Variants in CPEB2 observed in about 807,000 individuals in gnomAD.
The protein encoded by CPEB2 is cytoplasmic polyadenylation element-binding protein 2.
CPEB2 carries 56 observed loss-of-function variants against 93.6 expected under a neutral mutation model. The observed-to-expected ratio is 0.60, with a 90% CI of 0.48 to 0.75. The LOEUF is 0.75. Ranked by LOEUF, CPEB2 falls within the 30% of genes least tolerant of loss-of-function variation. CPEB2 has a pLI of 0.00. For missense variants in CPEB2, 1,579 were observed against 1,395.1 expected, an observed-to-expected ratio of 1.13 and a Z score of -2.10; for synonymous variants, 764 against 586.3, an observed-to-expected ratio of 1.30 and a Z score of -4.38.
Position 15,004,132 on chromosome 4 carries a change from G to T in CPEB2, c.1459G>T (p.Gly487Cys), listed in dbSNP as rs201682122. 6.6e-7 allele frequency: 1 copy of T among 1,514,852 alleles called. No homozygotes were observed. The highest frequency in any genetic ancestry group is 2.8e-5 in the East Asian group (1 of 35,880). 93.8% of individuals were successfully genotyped at this position (1,514,852 alleles called of 1,614,324 possible). ...SVPTSGGGGG[G>C]FGGPFSATAV... ...TCCGACGAGCGGCGGCGGCGGCGGCGGCTTCGGCGGCCCCTTCTCGGCTAC... is the reference window on the plus strand; with the variant it reads ...TCCGACGAGCGGCGGCGGCGGCGGCTGCTTCGGCGGCCCCTTCTCGGCTAC... Residue 487 changes from glycine (G) to cysteine (C), a missense_variant, in exon 1 of 12, where the codon GGC becomes TGC. Coordinates refer to ENST00000538197, the MANE Select transcript of CPEB2 (RefSeq NM_001177382.2).
Position 15,003,164 on chromosome 4 carries a change from A to C in CPEB2, c.491A>C (p.Gln164Pro). The C allele has an allele frequency of 6.5e-7, 1 of 1,533,180 alleles. No homozygotes were observed. The highest frequency in any genetic ancestry group is 8.7e-7 in the Non-Finnish European group (1 of 1,145,862). 95.0% of individuals were successfully genotyped at this position (1,533,180 alleles called of 1,614,324 possible). A position where few individuals can be genotyped will look rare whatever the true frequency, so the allele number is the denominator to read the frequency against. Reference protein sequence around the residue: ...SCCCCRTSSPQDFSKRQQQQL... With the variant: ...SCCCCRTSSPPDFSKRQQQQL... ...TGCTGCTGCCGCACCTCCTCCCCGC[A>C]GGACTTCAGTAAGCGGCAGCAGCAG... Residue 164 changes from glutamine to proline, a missense_variant, in exon 1 of 12, where the codon CAG becomes CCG. Around this residue, in one of 2 missense-constraint regions of CPEB2, gnomAD observed 1,411 missense variants for 1,056.0 expected, o/e 1.34. Transcript: ENST00000538197.
chr4:15,028,105 C>T (rs1725674941), intron 4 of CPEB2, among the ~76,000 whole-genome samples: 1 of 152,096 alleles, frequency 6.6e-6, no homozygotes, highest in African/African-American at 2.4e-5. Context: ...TGGCATTGTT[C>T]TTTAGCTATG....
intron 4 of CPEB2, among the ~76,000 whole-genome samples, chr4:15,024,372 C>G (rs966230312): frequency 6.6e-6 from 1 of 152,122 alleles, no homozygotes; most frequent in African/African-American, 2.4e-5. Context: ...AATGTTTCTA[C>G]CTATATAATA....
chr4:15,062,083 A>G lies in CPEB2; in HGVS notation c.2700A>G (p.Glu900=). The G allele has an allele frequency of 1.3e-6, 2 of 1,595,668 alleles. No homozygotes were observed. The change falls in exon 11 of 12, where the codon GAA becomes GAG. Residue 900 remains glutamate, a synonymous_variant. Transcript: ENST00000538197. ...GGVPRPLRAV[E]LAMIMDRLYG... The stretch of plus-strand genomic sequence containing the variant: ...AAACTTCTTTTCCTTTTCAAGTGGA[A>G]CTTGCTATGATCATGGACCGGCTGT...
chr4:15,004,195 C>G lies in CPEB2; in HGVS notation c.1522C>G (p.Pro508Ala), dbSNP rs548768152. ...PPPPPPAMNIPQQQPPPPAAP... is the reference protein window; with the variant it reads ...PPPPPPAMNIAQQQPPPPAAP... ...TCCGCCGCCGCCCGCCATGAATATA[C>G]CTCAACAGCAGCCCCCGCCGCCCGC... The change falls in exon 1 of 12, where the codon CCT becomes GCT. Residue 508 changes from proline to alanine, a missense_variant. Around this residue, in one of 2 missense-constraint regions of CPEB2, gnomAD observed 1,411 missense variants for 1,056.0 expected, o/e 1.34. Transcript: ENST00000538197. 3 of 1,318,046 alleles carry G rather than the reference C, an allele frequency of 2.3e-6. No individual in the cohort carries two copies. The highest frequency in any genetic ancestry group is 2.6e-5 in the Admixed American group (1 of 38,610). 81.6% of individuals were successfully genotyped at this position (1,318,046 alleles called of 1,614,324 possible). A position where few individuals can be genotyped will look rare whatever the true frequency, so the allele number is the denominator to read the frequency against.
At chr4:15,049,213 T>G (rs1454576660) in intron 6 of CPEB2, among the ~76,000 whole-genome samples, 2 of 152,084 alleles carry the variant, frequency 1.3e-5, no homozygotes, top group Admixed American at 1.3e-4. Context: ...TGGGTCACTT[T>G]TCTCTTTGGC....
chr4:15,054,061 A>G, intron 7 of CPEB2, 67 bp from the exon 8 acceptor site: 1 of 1,005,304 alleles, frequency 9.9e-7, no homozygotes, highest in South Asian at 1.5e-5. Context: ...TCATAGTAAC[A>G]GTACAGAATT....
chr4:15,022,604 C>T (rs1346111303), intron 4 of CPEB2, among the ~76,000 whole-genome samples: 1 of 151,762 alleles, frequency 6.6e-6, no homozygotes, highest in African/African-American at 2.4e-5. Context: ...TTTTTCGTTT[C>T]TTCATTCTAT....
intron 4 of CPEB2, among the ~76,000 whole-genome samples, chr4:15,026,689 T>G (rs1308288848): frequency 1.3e-5 from 2 of 152,234 alleles, no homozygotes; most frequent in African/African-American, 4.8e-5. Context: ...AAGCATTTTC[T>G]CATAATTCAT....
In CPEB2 at chr4:15,004,125, C is replaced by CGGGGGGGGGGGGGGGGGGGGGGGGGGG; in HGVS notation, c.1454_1455insGGGGGGGGGGGGGGGGGGGGGGGGGGG (p.Gly487_Phe488insGlyGlyGlyGlyGlyGlyGlyGlyGly). 1.3e-6 allele frequency: 2 copies of CGGGGGGGGGGGGGGGGGGGGGGGGGGG among 1,514,236 alleles called. No individual in the cohort carries two copies. The highest frequency in any genetic ancestry group is 2.7e-5 in the East Asian group (1 of 36,474). 93.8% of individuals were successfully genotyped at this position (1,514,236 alleles called of 1,614,324 possible). On this transcript the variant is annotated inframe_insertion, in exon 1 of 12. Coordinates refer to ENST00000538197, the MANE Select transcript of CPEB2 (RefSeq NM_001177382.2). The stretch of plus-strand genomic sequence containing the variant: ...TCAGCGTTCCGACGAGCGGCGGCGG[C>CGGGGGGGGGGGGGGGGGGGGGGGGGGG]GGCGGCGGCTTCGGCGGCCCCTTCT...
chr4:15,015,585 A>T (rs777133519), intron 3 of CPEB2, among the ~76,000 whole-genome samples: 9 of 152,086 alleles, frequency 5.9e-5, no homozygotes, highest in Non-Finnish European at 1.0e-4. Flanking sequence ...ACATATTCTT[A>T]GAAAAGCTTT....
At chr4:15,018,936 TTATATATATATATATATA>T (rs56945294) in intron 4 of CPEB2, among the ~76,000 whole-genome samples, 3 of 133,146 alleles carry the variant, frequency 2.3e-5, no homozygotes, top group East Asian at 2.0e-4. Flanking sequence ...AAGGGGAATT[TTATATATATATATATATA>T]TATATATATA....
chr4:15,033,161 G>A lies in CPEB2; in HGVS notation c.2126G>A (p.Gly709Asp). The change falls in exon 5 of 12, where the codon GGT becomes GAT. Residue 709 changes from glycine (G) to aspartate (D), a missense_variant and splice_region_variant. Around this residue, in one of 2 missense-constraint regions of CPEB2, gnomAD observed 1,411 missense variants for 1,056.0 expected, o/e 1.34. Coordinates refer to ENST00000538197, the MANE Select transcript of CPEB2 (RefSeq NM_001177382.2). ...IMRAEHDPLK[G>D]RLSYPHPGTD... ...ACTCACCTTTCCTGTCTTTTTAAAG[G>A]TCGATTGAGCTATCCACATCCAGGA... 6.2e-7 allele frequency: 1 copy of A among 1,601,294 alleles called. No individual in the cohort carries two copies. The highest frequency in any genetic ancestry group is 1.7e-4 in the Middle Eastern group (1 of 6,040).
chr4:15,042,226 C>T (rs1727252710), intron 6 of CPEB2, among the ~76,000 whole-genome samples: 1 of 152,074 alleles, frequency 6.6e-6, no homozygotes, highest in Admixed American at 6.6e-5. Flanking sequence ...ATTTCGTATG[C>T]TCTCATGTAA....
At chr4:15,012,177 C>T (rs972919136) in intron 3 of CPEB2, among the ~76,000 whole-genome samples, 3 of 152,126 alleles carry the variant, frequency 2.0e-5, no homozygotes, top group Admixed American at 2.0e-4. Flanking sequence ...CTGTTACATG[C>T]CCACTGAAAA....
intron 5 of CPEB2, among the ~76,000 whole-genome samples, chr4:15,039,676 A>T (rs948103690): frequency 6.6e-5 from 10 of 151,258 alleles, no homozygotes; most frequent in African/African-American, 2.4e-4. Context: ...TTTTTTTTCC[A>T]TAGGAATTAT....
At chr4:15,035,264 G>T (rs1019819187) in intron 5 of CPEB2, among the ~76,000 whole-genome samples, 6 of 151,866 alleles carry the variant, frequency 4.0e-5, no homozygotes, top group African/African-American at 1.5e-4. Flanking sequence ...TGCTAACATA[G>T]ATTCTGGAGC....
Position 15,003,105 on chromosome 4 carries a change from G to A in CPEB2, c.432G>A (p.Leu144=), listed in dbSNP as rs563457090. Residue 144 remains leucine, a synonymous_variant, in exon 1 of 12, where the codon CTG becomes CTA. Coordinates refer to ENST00000538197, the MANE Select transcript of CPEB2 (RefSeq NM_001177382.2). ...CCTCCCAGGACTTCAAACCGAGTCTGCACCACCCCTCCTCCTCCTCCGCCT... is the reference window on the plus strand; with the variant it reads ...CCTCCCAGGACTTCAAACCGAGTCTACACCACCCCTCCTCCTCCTCCGCCT... ...LLPSQDFKPS[L]HHPSSSSASS... is the part of the protein sequence containing the mutation. 4.4e-4 allele frequency: 674 copies of A among 1,533,392 alleles called. 4 individuals carry two copies. The highest frequency in any genetic ancestry group is 2.4e-3 in the East Asian group (99 of 40,606). The allele number at this position is 1,533,392 out of a possible 1,614,324, so 95.0% of individuals were successfully genotyped here.
Position 15,059,192 on chromosome 4 carries a change from A to G in CPEB2, c.2586A>G (p.Gln862=). The G allele has an allele frequency of 6.2e-7, 1 of 1,602,576 alleles. No individual in the cohort carries two copies. The highest frequency in any genetic ancestry group is 8.5e-7 in the Non-Finnish European group (1 of 1,171,254). The part of the protein sequence containing the change: ...SSPTIKDKPV[Q]IRPWNLSDSD... ...CAATGTAATTTTCTTCATAGGTTCA[A>G]ATACGTCCTTGGAATTTAAGTGATA... The change falls in exon 10 of 12, where the codon CAA becomes CAG. Residue 862 remains glutamine (Q), a synonymous_variant. Coordinates refer to ENST00000538197, the MANE Select transcript of CPEB2 (RefSeq NM_001177382.2).
Sources: allele counts gnomAD v4.1 joint callset (sites outside exome capture counted in the v4.1 genomes callset), GRCh38; gene constraint gnomAD v4.1.1; regional missense constraint gnomAD v4.1.1; transcripts MANE v1.5; gene names NCBI Gene and HGNC (gene_info 2026-07-23, HGNC 2026-07-21).